SMARCAD1: variants seen among roughly 807,000 people sequenced by gnomAD.
SMARCAD1 encodes the protein SWI/SNF-related matrix-associated actin-dependent regulator of chromatin subfamily A containing DEAD/H box 1.
SMARCAD1 carries 25 observed loss-of-function variants against 127.1 expected under a neutral mutation model. The ratio of observed to expected loss-of-function variants is 0.20; its 90% confidence interval spans 0.14 to 0.27. SMARCAD1 has a LOEUF of 0.27. SMARCAD1 is among the 10% of genes least tolerant of loss of function. The pLI is 1.00. For synonymous variants in SMARCAD1, 400 were observed against 396.9 expected, an observed-to-expected ratio of 1.01 and a Z score of -0.09; for missense variants, 807 against 1,206.0, an observed-to-expected ratio of 0.67 and a Z score of 4.90.
intron 14 of SMARCAD1, 101 bp downstream of exon 14, chr4:94,275,066 T>G: frequency 2.3e-6 from 2 of 857,910 alleles, no homozygotes; most frequent in South Asian, 2.8e-5. Flanking sequence ...TGCTGTTAAC[T>G]GTGATACGAA....
chr4:94,226,378 G>A, intron 3 of SMARCAD1, 82 bp downstream of exon 3: 1 of 1,165,028 alleles, frequency 8.6e-7, no homozygotes, highest in Non-Finnish European at 1.2e-6. Context: ...GAGATATTTT[G>A]GTGACTTCCC....
At chr4:94,289,421 T>G in intron 23 of SMARCAD1, 52 bp from the exon 24 acceptor site, 1 of 1,499,468 alleles carries the variant, frequency 6.7e-7, no homozygotes, top group South Asian at 1.2e-5. Context: ...GACAATTTTT[T>G]TTTAAGTAAA....
At chr4:94,245,597 C>T (rs1248065321) in intron 6 of SMARCAD1, among the ~76,000 whole-genome samples, 3 of 152,162 alleles carry the variant, frequency 2.0e-5, no homozygotes, top group African/African-American at 4.8e-5. Flanking sequence ...TTAAAAATTT[C>T]CATTCATTTT....
Position 94,284,992 on chromosome 4 carries a change from G to A in SMARCAD1, c.2942G>A (p.Gly981Glu), listed in dbSNP as rs139130080. 2.2e-5 allele frequency: 35 copies of A among 1,612,416 alleles called. No individual in the cohort carries two copies. In the African/African-American group the frequency reaches 4.0e-4, roughly 18 times the overall value. The change falls in exon 23 of 24, where the codon GGG becomes GAG. Residue 981 changes from glycine (G) to glutamate (E), a missense_variant. Physicochemically the swap from Gly to Glu is moderately conservative, Grantham distance 98. Coordinates refer to ENST00000354268, the MANE Select transcript of SMARCAD1 (RefSeq NM_020159.5). ...CTAGTTATAAAACTAATAAGCCAAGGGACGATTGAAGAATCCATGCTAAAA... is the reference window on the plus strand; with the variant it reads ...CTAGTTATAAAACTAATAAGCCAAGAGACGATTGAAGAATCCATGCTAAAA... ...EVLVIKLISQ[G>E]TIEESMLKIN...
chr4:94,257,826 T>C (rs912711914), intron 9 of SMARCAD1, among the ~76,000 whole-genome samples: 1 of 152,148 alleles, frequency 6.6e-6, no homozygotes, highest in African/African-American at 2.4e-5. Flanking sequence ...TTGTCATTTG[T>C]AGGTCTTATC....
chr4:94,225,771 TGAA>T (rs1213743478), intron 2 of SMARCAD1, among the ~76,000 whole-genome samples: 1 of 152,198 alleles, frequency 6.6e-6, no homozygotes, highest in Non-Finnish European at 1.5e-5. Context: ...ATTAATAAGA[TGAA>T]GAGGTGGGAT....
At chr4:94,268,130 CTTTATA>C (rs1752009290) in intron 10 of SMARCAD1, among the ~76,000 whole-genome samples, 1 of 152,060 alleles carries the variant, frequency 6.6e-6, no homozygotes, top group Non-Finnish European at 1.5e-5. Flanking sequence ...CACATTAATA[CTTTATA>C]TTTTTATAAC....
At chr4:94,278,370 G>GCAATAACAGTATTATTA in intron 16 of SMARCAD1, 52 bp from the exon 17 acceptor site, 3 of 1,417,192 alleles carry the variant, frequency 2.1e-6, no homozygotes, top group Non-Finnish European at 3.0e-6. Context: ...TACTGTTATT[G>GCAATAACAGTATTATTA]CAATAATTTA....
At chr4:94,235,559 T>TA (rs1347403590) in intron 4 of SMARCAD1, among the ~76,000 whole-genome samples, 1 of 152,014 alleles carries the variant, frequency 6.6e-6, no homozygotes, top group Non-Finnish European at 1.5e-5. Flanking sequence ...GATACCATCT[T>TA]ACTATTAGCT....
rs777784964 is a variant in SMARCAD1 at position 94,281,552 on chromosome 4, G to A, written c.2688G>A (p.Arg896=). ...TTCTATTAAAACATCATCAGCATAG[G>A]TACCTCAGATTAGATGGAAAGACTC... ...LEVLLKHHQH[R]YLRLDGKTQI... is the part of the protein sequence containing the mutation. The change falls in exon 21 of 24, where the codon AGG becomes AGA. Residue 896 remains arginine, a synonymous_variant. Coordinates refer to ENST00000354268, the MANE Select transcript of SMARCAD1 (RefSeq NM_020159.5). 6.2e-6 allele frequency: 10 copies of A among 1,612,758 alleles called. No individual in the cohort carries two copies. The East Asian group carries it at 1.6e-4, about 25-fold the overall frequency.
chr4:94,270,106 A>G (rs528162551), intron 10 of SMARCAD1, among the ~76,000 whole-genome samples: 4 of 151,482 alleles, frequency 2.6e-5, no homozygotes, highest in Non-Finnish European at 4.4e-5. Flanking sequence ...GTCTTTTAGC[A>G]TTTGCTAAAA....
chr4:94,226,179 A>T lies in SMARCAD1; in HGVS notation c.251A>T (p.Lys84Ile). The stretch of plus-strand genomic sequence containing the variant: ...AGAAAAGCAAGTATATCATATTTCA[A>T]AAATCAAAGAGGAATACAGTATATT... ...NERKASISYF[K>I]NQRGIQYIDL... The change falls in exon 3 of 24, where the codon AAA (lysine) becomes ATA (isoleucine). Residue 84 changes from lysine (K) to isoleucine (I), a missense_variant. Lys to Ile is a moderately radical substitution (Grantham distance 102). This residue lies in a region of SMARCAD1 where 175 missense variants were observed against 169.5 expected (regional missense o/e 1.03). Transcript: ENST00000354268. 6.2e-7 allele frequency: 1 copy of T among 1,612,252 alleles called. No individual in the cohort carries two copies. The highest frequency in any genetic ancestry group is 8.5e-7 in the Non-Finnish European group (1 of 1,178,496).
In SMARCAD1 at chr4:94,261,941, C is replaced by T. The variant is rs144046284; in HGVS notation, c.1282-2766C>T. ...TTGTTTTTTGGCAGTTAAAACTTAACACTTCACTTTTTGAAATTATTTCTT... is the reference window on the plus strand; with the variant it reads ...TTGTTTTTTGGCAGTTAAAACTTAATACTTCACTTTTTGAAATTATTTCTT... On this transcript the variant is annotated intron_variant, in intron 9 of 23. Transcript: ENST00000354268. Among the ~76,000 whole-genome samples the T allele has an allele frequency of 7.5e-3, 1,144 of 152,298 alleles. 7 individuals are homozygous for T. Among genetic ancestry groups the T allele is most frequent in the African/African-American group, 0.026 (1,068 of 41,562 alleles).
At chr4:94,211,266 C>G (rs1399083827) in intron 2 of SMARCAD1, among the ~76,000 whole-genome samples, 1 of 151,962 alleles carries the variant, frequency 6.6e-6, no homozygotes, top group Admixed American at 6.6e-5. Flanking sequence ...GAGCAAAACT[C>G]CATGTCAAAA....
intron 14 of SMARCAD1, 92 bp from the exon 15 acceptor site, chr4:94,276,247 A>C: frequency 7.2e-7 from 1 of 1,390,424 alleles, no homozygotes; most frequent in Non-Finnish European, 1.0e-6. Flanking sequence ...AGAAATGTGT[A>C]AATAAAAAAT....
chr4:94,278,596 A>C lies in SMARCAD1; in HGVS notation c.2179-20A>C, dbSNP rs201405700. The C allele has an allele frequency of 8.9e-5, 144 of 1,613,230 alleles. No homozygotes were observed. The African/African-American group carries it at 1.8e-3, about 20-fold the overall frequency. The stretch of plus-strand genomic sequence containing the variant: ...TCTCTTTACTAGAATGATTATCTTA[A>C]ACTGTTTTTTCTGTCTCAGGTTCTC... On this transcript the variant is annotated intron_variant, in intron 17 of 23. Transcript: ENST00000354268.
rs202115848 is a variant in SMARCAD1, at chr4:94,277,159, A to G, written c.2082A>G (p.Thr694=). 6.2e-7 allele frequency: 1 copy of G among 1,613,972 alleles called. No individual in the cohort carries two copies. Among genetic ancestry groups the G allele is most frequent in the Admixed American group, 1.7e-5 (1 of 60,030 alleles). Reference sequence around the variant, plus strand: ...TACGAAGAATGTTTTCCTCTAAGACAGTAAGCATAAATGCATATTTTCTCC... The same window carrying G: ...TACGAAGAATGTTTTCCTCTAAGACGGTAAGCATAAATGCATATTTTCTCC... ...SEIRRMFSSK[T]KSADEQSIYE... is the part of the protein sequence containing the mutation. Residue 694 remains threonine (T), a splice_region_variant and synonymous_variant, in exon 16 of 24, where the codon ACA becomes ACG. Coordinates refer to ENST00000354268, the MANE Select transcript of SMARCAD1 (RefSeq NM_020159.5).
chr4:94,263,712 A>G (rs1312019327), intron 9 of SMARCAD1, among the ~76,000 whole-genome samples: 3 of 151,964 alleles, frequency 2.0e-5, no homozygotes, highest in African/African-American at 7.2e-5. Flanking sequence ...TCTTGTCATA[A>G]CTTGGAAAAA....
At position 94,259,567 on chromosome 4, in the gene SMARCAD1, A is replaced by G. The variant is rs1243125892; in HGVS notation, c.1282-5140A>G. ...GAGTTGTTCTGAAATTTCAACTTCA[A>G]AATAACCAAAAAGTGAAGTTCAGTT... On this transcript the variant is annotated intron_variant, in intron 9 of 23. Transcript: ENST00000354268. Among the ~76,000 whole-genome samples, 6 of 152,126 alleles carry G rather than the reference A, an allele frequency of 3.9e-5. No individual in the cohort carries two copies. In the East Asian group the frequency reaches 9.6e-4, roughly 24 times the overall value.
Sources: gnomAD v4.1 joint callset for allele counts (sites outside exome capture counted in the v4.1 genomes callset) on GRCh38, gnomAD v4.1.1 for gene constraint, gnomAD v4.1.1 regional missense constraint, MANE v1.5 for transcripts, NCBI Gene and HGNC (gene_info 2026-07-23, HGNC 2026-07-21) for gene names.